The following XIRP2 variants were observed in gnomAD, a reference collection of about 807,000 sequenced individuals.
The protein encoded by XIRP2 is xin actin binding repeat containing 2.
A neutral mutation model predicts 277.0 loss-of-function variants in XIRP2; 236 were observed. The observed-to-expected ratio is 0.85, with a 90% CI of 0.77 to 0.95. The LOEUF (loss-of-function observed/expected upper bound fraction) is 0.95, where lower values mean the gene tolerates loss of function less well. XIRP2 is among the 40% of genes least tolerant of loss of function. The probability of loss-of-function intolerance (pLI) is 0.00; values close to 1 mark genes in which losing one functional copy is unlikely to be tolerated. For synonymous variants in XIRP2, 1,490 were observed against 1,416.5 expected (o/e 1.05, Z -1.17); for missense variants, 4,640 against 4,157.5 (o/e 1.12, Z -3.19).
At chr2:167,226,104 C>T (rs1303585467) in intron 5 of XIRP2, among the ~76,000 whole-genome samples, 7 of 152,254 alleles carry the variant, frequency 4.6e-5, no homozygotes, top group South Asian at 2.1e-4. Flanking sequence ...CAGCTTTGCT[C>T]TATACTAGTA....
At chr2:167,107,157 C>T (rs1690639238) in intron 2 of XIRP2, among the ~76,000 whole-genome samples, 2 of 151,694 alleles carry the variant, frequency 1.3e-5, no homozygotes, top group Non-Finnish European at 1.5e-5. Context: ...AGTTTTATTT[C>T]ACCTTTTCAA....
intron 3 of XIRP2, among the ~76,000 whole-genome samples, chr2:167,192,367 G>A (rs531325208): frequency 2.4e-4 from 36 of 152,204 alleles, no homozygotes; most frequent in Middle Eastern, 6.8e-3. Flanking sequence ...TTGATTTTGT[G>A]TTTGTTTGCT....
At chr2:166,988,514 C>T (rs533767651) in intron 2 of XIRP2, among the ~76,000 whole-genome samples, 11 of 148,784 alleles carry the variant, frequency 7.4e-5, no homozygotes, top group Non-Finnish European at 1.0e-4. Flanking sequence ...GCGTGAGCGA[C>T]GCAGAAGACA....
At chr2:167,165,112 A>G (rs1324220838) in intron 3 of XIRP2, among the ~76,000 whole-genome samples, 1 of 152,180 alleles carries the variant, frequency 6.6e-6, no homozygotes, top group Non-Finnish European at 1.5e-5. Context: ...TAGCCTTTTC[A>G]GACTAGCTTC....
chr2:167,069,077 T>C lies in XIRP2; in HGVS notation c.409-66832T>C, dbSNP rs146617973. On this transcript the variant is annotated intron_variant, in intron 2 of 10. Transcript: ENST00000409195. ...TTCGTGGGTGCTCAAGTCCTTTATA[T>C]AAAACGGTGTAGTCTTTGCATATAA... 3.2e-3 allele frequency among the ~76,000 whole-genome samples: 480 copies of C among 152,280 alleles called. 3 individuals are homozygous for C. Among genetic ancestry groups the C allele is most frequent in the African/African-American group, 0.011 (458 of 41,562 alleles).
chr2:167,197,119 T>A (rs1346508989), intron 3 of XIRP2, among the ~76,000 whole-genome samples: 1 of 152,218 alleles, frequency 6.6e-6, no homozygotes. Context: ...GCTCATGTGG[T>A]ACCCTGCTGA....
At position 167,243,549 on chromosome 2, in the gene XIRP2, G is replaced by A. The variant is rs376090571; in HGVS notation, c.2157G>A (p.Arg719=). 2.0e-5 allele frequency: 32 copies of A among 1,613,966 alleles called. No homozygotes were observed. The highest frequency in any genetic ancestry group is 5.0e-5 in the Admixed American group (3 of 60,002). The part of the protein sequence containing the change: ...SVDEVHLLQL[R]SELKEIKGNV... ...ATGAGGTTCATTTACTGCAGCTTAG[G>A]TCTGAGCTCAAAGAAATTAAGGGAA... Residue 719 remains arginine, a synonymous_variant, in exon 9 of 11, where the codon AGG becomes AGA. Coordinates refer to ENST00000409195, the MANE Select transcript of XIRP2 (RefSeq NM_152381.6).
At chr2:167,081,064 G>T (rs528966690) in intron 2 of XIRP2, among the ~76,000 whole-genome samples, 2 of 152,022 alleles carry the variant, frequency 1.3e-5, no homozygotes, top group African/African-American at 4.8e-5. Flanking sequence ...TATGCAAGGG[G>T]TAATATTTAA....
chr2:166,905,704 A>C (rs958791008), intron 2 of XIRP2, among the ~76,000 whole-genome samples: 3 of 151,976 alleles, frequency 2.0e-5, no homozygotes, highest in Admixed American at 6.6e-5. Flanking sequence ...GAATCAGTTC[A>C]CAAAAAAAGT....
At chr2:166,997,006 C>A (rs970153322) in intron 2 of XIRP2, among the ~76,000 whole-genome samples, 1 of 152,128 alleles carries the variant, frequency 6.6e-6, no homozygotes, top group Non-Finnish European at 1.5e-5. Context: ...CTAAAATGAA[C>A]AGTCCTAGAT....
intron 3 of XIRP2, among the ~76,000 whole-genome samples, chr2:167,162,656 GT>G (rs1440489747): frequency 2.6e-5 from 4 of 152,074 alleles, no homozygotes; most frequent in East Asian, 1.9e-4. Flanking sequence ...ATATCAACCA[GT>G]TTAATATTCT....
intron 2 of XIRP2, among the ~76,000 whole-genome samples, chr2:166,980,582 A>G (rs1305814983): frequency 6.6e-6 from 1 of 151,920 alleles, no homozygotes; most frequent in Non-Finnish European, 1.5e-5. Flanking sequence ...ACGTCTGGCT[A>G]ATTTTTTGTA....
At chr2:167,132,511 T>TACACACACACACACAC (rs35636231) in intron 2 of XIRP2, among the ~76,000 whole-genome samples, 264 of 146,322 alleles carry the variant, frequency 1.8e-3, no homozygotes, top group East Asian at 3.1e-3. Context: ...TGCATGTGTA[T>TACACACACACACACAC]ACACACACAC....
chr2:167,033,141 G>T (rs1291120107), intron 2 of XIRP2, among the ~76,000 whole-genome samples: 1 of 152,050 alleles, frequency 6.6e-6, no homozygotes, highest in Non-Finnish European at 1.5e-5. Context: ...TTTCTTGCAG[G>T]GACATGGATG....
At chr2:167,183,618 C>T (rs1443559165) in intron 3 of XIRP2, among the ~76,000 whole-genome samples, 3 of 152,042 alleles carry the variant, frequency 2.0e-5, no homozygotes, top group African/African-American at 7.2e-5. Flanking sequence ...TTAATTTTCT[C>T]ATGAAATTCT....
intron 2 of XIRP2, among the ~76,000 whole-genome samples, chr2:167,012,447 A>T (rs1033353320): frequency 6.6e-6 from 1 of 151,748 alleles, no homozygotes; most frequent in Admixed American, 6.6e-5. Flanking sequence ...GCAAATGATT[A>T]TAATACACCT....
intron 2 of XIRP2, among the ~76,000 whole-genome samples, chr2:167,070,553 T>G (rs1417859448): frequency 6.6e-6 from 1 of 152,186 alleles, no homozygotes; most frequent in African/African-American, 2.4e-5. Flanking sequence ...TGAAAATAGT[T>G]TGGAATTTAA....
At chr2:167,082,191 C>A (rs1307985326) in intron 2 of XIRP2, among the ~76,000 whole-genome samples, 1 of 150,578 alleles carries the variant, frequency 6.6e-6, no homozygotes, top group Admixed American at 6.6e-5. Context: ...TGAGAATATG[C>A]GGTGTTTGGT....
intron 2 of XIRP2, among the ~76,000 whole-genome samples, chr2:167,031,107 C>T (rs1049951661): frequency 6.6e-6 from 1 of 150,748 alleles, no homozygotes; most frequent in South Asian, 2.1e-4. Context: ...TGAGATGGAT[C>T]TCCTGAATAC....
Sources: allele counts gnomAD v4.1 joint callset (sites outside exome capture counted in the v4.1 genomes callset), GRCh38; gene constraint gnomAD v4.1.1; transcripts MANE v1.5; gene names NCBI Gene and HGNC (gene_info 2026-07-23, HGNC 2026-07-21).